ARHGEF3: variants seen among roughly 807,000 people sequenced by gnomAD.
ARHGEF3 encodes the protein Rho guanine nucleotide exchange factor 3.
ARHGEF3 carries 28 observed loss-of-function variants against 63.2 expected under a neutral mutation model. The ratio of observed to expected loss-of-function variants is 0.44; its 90% CI spans 0.33 to 0.61. The LOEUF (loss-of-function observed/expected upper bound fraction) is 0.61, where lower values mean the gene tolerates loss of function less well. ARHGEF3 is among the 20% of genes least tolerant of loss of function. The pLI, the probability that ARHGEF3 is intolerant of heterozygous loss-of-function variation, is 0.03. For synonymous variants in ARHGEF3, 266 were observed against 254.2 expected, an observed-to-expected ratio of 1.05 and a Z score of -0.44; for missense variants, 533 against 659.3, an observed-to-expected ratio of 0.81 and a Z score of 2.10.
chr3:57,014,780 A>G (rs1208659048), intron 2 of ARHGEF3, among the ~76,000 whole-genome samples: 1 of 151,836 alleles, frequency 6.6e-6, no homozygotes, highest in Non-Finnish European at 1.5e-5. Flanking sequence ...TCCCAGGCTC[A>G]GGCCATTGTC....
intron 4 of ARHGEF3, among the ~76,000 whole-genome samples, chr3:56,853,720 C>T (rs2039759780): frequency 6.6e-6 from 1 of 152,168 alleles, no homozygotes; most frequent in African/African-American, 2.4e-5. Flanking sequence ...TTCCACAAGC[C>T]ATGGATGCTC....
Position 57,049,773 on chromosome 3 carries a change from G to A in ARHGEF3, c.-27-14597C>T, listed in dbSNP as rs571824067. Among the ~76,000 whole-genome samples the A allele has an allele frequency of 7.9e-5, 12 of 152,296 alleles. No individual in the cohort carries two copies. In the South Asian group the frequency reaches 2.5e-3, roughly 32 times the overall value. ...AGAAACTAGCTCTGGGGGAATGGAGGGTGGCTTCTTGGCACAAGAAGGGAA... is the reference window on the plus strand; with the variant it reads ...AGAAACTAGCTCTGGGGGAATGGAGAGTGGCTTCTTGGCACAAGAAGGGAA... On this transcript the variant is annotated intron_variant, in intron 1 of 12. Transcript: ENST00000338458.
chr3:57,019,879 A>G (rs1409437589), intron 2 of ARHGEF3, among the ~76,000 whole-genome samples: 3 of 151,652 alleles, frequency 2.0e-5, no homozygotes, highest in African/African-American at 7.3e-5. Flanking sequence ...TTAACTCTCT[A>G]TTTCCATCTA....
At chr3:56,867,069 T>C (rs1284645861) in intron 4 of ARHGEF3, among the ~76,000 whole-genome samples, 1 of 152,256 alleles carries the variant, frequency 6.6e-6, no homozygotes, top group Non-Finnish European at 1.5e-5. Flanking sequence ...TCTCTTCAGG[T>C]AGACCTTGAT....
In ARHGEF3 at chr3:57,027,091, G is replaced by A. The variant is rs80322608; in HGVS notation, c.62+7997C>T. On this transcript the variant is annotated intron_variant, in intron 2 of 12. Coordinates refer to the ARHGEF3 transcript ENST00000338458. ...TTGGTGGGAGAATGATTTTTGAACT[G>A]ATAAGAGACTAATGCCACGTGCTAG... 8.2e-4 allele frequency among the ~76,000 whole-genome samples: 125 copies of A among 152,298 alleles called. 1 individual carries two copies. Among genetic ancestry groups the A allele is most frequent in the African/African-American group, 2.8e-3 (115 of 41,566 alleles).
intron 8 of ARHGEF3, 145 bp from the exon 9 acceptor site, chr3:56,732,569 C>A (rs898870172): frequency 1.0e-4 from 98 of 945,358 alleles, no homozygotes; most frequent in South Asian, 9.9e-5. Context: ...TCCAGGAGAA[C>A]CAAAGTTGGG....
intron 1 of ARHGEF3, among the ~76,000 whole-genome samples, chr3:57,060,984 T>A (rs192628362): frequency 3.1e-3 from 467 of 152,316 alleles, no homozygotes; most frequent in Admixed American, 8.0e-3. Context: ...AAATATAATA[T>A]AAAACATACC....
chr3:57,008,452 G>A (rs1316895188), intron 2 of ARHGEF3, among the ~76,000 whole-genome samples: 2 of 151,238 alleles, frequency 1.3e-5, no homozygotes, highest in African/African-American at 4.9e-5. Flanking sequence ...TGCAGTGGGA[G>A]CTCCAGAGAG....
At chr3:57,010,909 G>C (rs1702671887) in intron 2 of ARHGEF3, among the ~76,000 whole-genome samples, 1 of 152,212 alleles carries the variant, frequency 6.6e-6, no homozygotes, top group African/African-American at 2.4e-5. Context: ...TAGAAAGAAA[G>C]ATTAAAAGCA....
intron 1 of ARHGEF3, among the ~76,000 whole-genome samples, chr3:57,078,314 G>C (rs1706305902): frequency 6.6e-6 from 1 of 152,220 alleles, no homozygotes; most frequent in South Asian, 2.1e-4. Flanking sequence ...GGTACATTCA[G>C]GGCAACTACC....
chr3:56,777,284 A>G (rs1161760469), intron 1 of ARHGEF3, among the ~76,000 whole-genome samples: 1 of 152,246 alleles, frequency 6.6e-6, no homozygotes, highest in Non-Finnish European at 1.5e-5. Context: ...GAGGACAAGG[A>G]AAGAAAAAAA....
intron 6 of ARHGEF3, among the ~76,000 whole-genome samples, 167 bp from the exon 7 acceptor site, chr3:56,745,629 C>T (rs2034331908): frequency 6.6e-6 from 1 of 152,126 alleles, no homozygotes; most frequent in Admixed American, 6.6e-5. Flanking sequence ...TTCAACATGG[C>T]AGGCAGTGGA....
chr3:56,861,164 G>A (rs1004362749), intron 4 of ARHGEF3, among the ~76,000 whole-genome samples: 6 of 152,158 alleles, frequency 3.9e-5, no homozygotes, highest in African/African-American at 1.4e-4. Context: ...TAGGCAGAGG[G>A]GCTGCTGCAG....
intron 2 of ARHGEF3, among the ~76,000 whole-genome samples, chr3:56,985,932 A>G (rs1186299110): frequency 6.6e-6 from 1 of 152,194 alleles, no homozygotes; most frequent in Non-Finnish European, 1.5e-5. Flanking sequence ...AGGTCCCTCT[A>G]CAACAGGCTG....
intron 3 of ARHGEF3, among the ~76,000 whole-genome samples, chr3:56,943,838 C>T (rs749132795): frequency 1.4e-5 from 2 of 148,068 alleles, no homozygotes; most frequent in Non-Finnish European, 3.0e-5. Flanking sequence ...TCACTTGAAC[C>T]GGGGAGGCAG....
chr3:56,903,089 CAG>C (rs10598469), intron 3 of ARHGEF3, among the ~76,000 whole-genome samples: 34,956 of 131,792 alleles, frequency 0.27, 4,075 homozygotes, highest in African/African-American at 0.29. Flanking sequence ...CACACACACA[CAG>C]AGAGAGAGAG....
intron 2 of ARHGEF3, among the ~76,000 whole-genome samples, chr3:56,755,867 G>A (rs2035040681): frequency 6.6e-6 from 1 of 152,196 alleles, no homozygotes; most frequent in African/African-American, 2.4e-5. Flanking sequence ...GACCAATGGA[G>A]GCAGGAAGGG....
rs138059983 is a variant in ARHGEF3 at position 56,800,955 on chromosome 3, C to T, written c.96+748G>A. On this transcript the variant is annotated intron_variant, in intron 1 of 9. Coordinates refer to ENST00000296315, the MANE Select transcript of ARHGEF3 (RefSeq NM_019555.3). ...TGAGCTATGTGCCAGAGAAATAACA[C>T]GCAAGAGGAAAAGGCAGACTAAACA... Among the ~76,000 whole-genome samples, 784 of 152,318 alleles carry T rather than the reference C, an allele frequency of 5.1e-3. 7 individuals are homozygous for T. Among genetic ancestry groups the T allele is most frequent in the African/African-American group, 0.018 (744 of 41,564 alleles).
chr3:56,755,778 G>A lies in ARHGEF3; in HGVS notation c.205-627C>T, dbSNP rs191033641. ...GAGAGAACACAAGCAGGGCCTTCCA[G>A]CAGCAACTCTCCCTAGTTACACAGA... On this transcript the variant is annotated intron_variant, in intron 2 of 9. Transcript: ENST00000296315. Among the ~76,000 whole-genome samples, 178 of 152,238 alleles carry A rather than the reference G, an allele frequency of 1.2e-3. 1 individual carries two copies. Among genetic ancestry groups the A allele is most frequent in the Admixed American group, 7.3e-3 (111 of 15,302 alleles).
Sources: gnomAD v4.1 joint callset for allele counts (sites outside exome capture counted in the v4.1 genomes callset) on GRCh38, gnomAD v4.1.1 for gene constraint, MANE v1.5 for transcripts, NCBI Gene and HGNC (gene_info 2026-07-23, HGNC 2026-07-21) for gene names.